The following KYAT3 variants were observed in gnomAD, a reference collection of about 807,000 sequenced individuals.
KYAT3 encodes kynurenine aminotransferase 3, also known as kynurenine--oxoglutarate transaminase 3.
In KYAT3, 50 loss-of-function variants were observed where a neutral mutation model predicts 59.0. The observed-to-expected ratio is 0.85, with a 90% CI of 0.68 to 1.07. The LOEUF is 1.07. Ranked by LOEUF, KYAT3 falls within the 50% of genes least tolerant of loss-of-function variation. KYAT3 has a pLI of 0.00. For synonymous variants in KYAT3, 148 were observed against 177.0 expected (o/e 0.84, Z 1.30); for missense variants, 497 against 533.3 (o/e 0.93, Z 0.67).
At chr1:88,935,345 GGAGA>G (rs1248654257), downstream of KYAT3, among the ~76,000 whole-genome samples, 2 of 148,572 alleles carry the variant, frequency 1.3e-5, no homozygotes, top group African/African-American at 5.0e-5. Context: ...AGGAGATGGA[GGAGA>G]GAGAGAGACA....
At chr1:88,980,171 A>G (rs1002306586) in intron 2 of KYAT3, 1 of 152,460 alleles carries the variant, frequency 6.6e-6, no homozygotes, top group Non-Finnish European at 1.5e-5. Context: ...ATGGACTGCA[A>G]AGGAACTTGA....
intron 2 of KYAT3, chr1:88,981,170 G>T (rs1157940690): frequency 6.6e-6 from 1 of 152,152 alleles, no homozygotes; most frequent in Non-Finnish European, 1.5e-5. Flanking sequence ...TTTCCAGTGT[G>T]TTTGCCATCT....
At chr1:88,929,220 TA>T in the KYAT3 span, among the ~76,000 whole-genome samples, 1 of 152,074 alleles carries the variant, frequency 6.6e-6, no homozygotes, top group South Asian at 2.1e-4. Context: ...AACCATGCAA[TA>T]GCCCCTGCAA....
In KYAT3 at chr1:88,967,325, T is replaced by C. The variant is rs184198167; in HGVS notation, c.303+1345A>G. ...TTCTTTATTTTTCAAATTACAAAAA[T>C]TGTTGATCAATAAGTAAAAGTTTTT... On this transcript the variant is annotated intron_variant, in intron 4 of 13. Coordinates refer to ENST00000260508, the MANE Select transcript of KYAT3 (RefSeq NM_001008661.3). Among the ~76,000 whole-genome samples the C allele has an allele frequency of 3.7e-4, 57 of 152,126 alleles. 1 individual carries two copies. The East Asian group carries it at 0.01, about 27-fold the overall frequency.
chr1:88,987,823 T>C (rs1303905295), intron 2 of KYAT3, among the ~76,000 whole-genome samples: 1 of 152,240 alleles, frequency 6.6e-6, no homozygotes, highest in Non-Finnish European at 1.5e-5. Flanking sequence ...CATTCGTATC[T>C]CTCTGATTGT....
chr1:88,925,972 G>T, the KYAT3 span, among the ~76,000 whole-genome samples: 1 of 152,136 alleles, frequency 6.6e-6, no homozygotes, highest in Non-Finnish European at 1.5e-5. Context: ...TGAGGCCACC[G>T]ACAACCAGTA....
intron 2 of KYAT3, among the ~76,000 whole-genome samples, chr1:88,986,398 G>A (rs1450331783): frequency 1.3e-5 from 2 of 151,782 alleles, no homozygotes; most frequent in African/African-American, 4.8e-5. Flanking sequence ...GGCCGAGGCA[G>A]GTGGATCACA....
intron 2 of KYAT3, among the ~76,000 whole-genome samples, chr1:88,970,039 A>C (rs1358061994): frequency 1.3e-5 from 2 of 152,178 alleles, no homozygotes; most frequent in African/African-American, 2.4e-5. Context: ...CTAGAAAGCT[A>C]ATCTGTTTTA....
At chr1:88,960,055 T>TC (rs111772838) in intron 8 of KYAT3, among the ~76,000 whole-genome samples, 144,171 of 144,178 alleles carry the variant, frequency 1, 72,082 homozygotes, top group East Asian at 1. Context: ...CACCTCAGCC[T>TC]CCAAGTAGCT....
chr1:88,934,584 T>C (rs545497212), downstream of KYAT3, among the ~76,000 whole-genome samples: 1 of 152,320 alleles, frequency 6.6e-6, no homozygotes, highest in East Asian at 1.9e-4. Context: ...AACTGTGCAA[T>C]GTACAGCCCA....
chr1:88,933,846 G>A (rs1472505937), downstream of KYAT3, among the ~76,000 whole-genome samples: 1 of 152,200 alleles, frequency 6.6e-6, no homozygotes. Flanking sequence ...TTGGGGTCCT[G>A]AGCTTCCTTC....
At chr1:88,959,466 GGGAGCCTGAGGCA>G (rs1676060080) in intron 8 of KYAT3, among the ~76,000 whole-genome samples, 1 of 150,562 alleles carries the variant, frequency 6.6e-6, no homozygotes, top group Non-Finnish European at 1.5e-5. Flanking sequence ...CCAGCTACTT[GGGAGCCTGAGGCA>G]GGAGAATTGT....
chr1:88,923,156 T>C, the KYAT3 span, among the ~76,000 whole-genome samples: 2 of 152,232 alleles, frequency 1.3e-5, no homozygotes, highest in Non-Finnish European at 2.9e-5. Flanking sequence ...CCATATGACT[T>C]AGGCTTTCTA....
At chr1:88,971,464 TG>T (rs1276196460) in intron 2 of KYAT3, among the ~76,000 whole-genome samples, 1 of 151,558 alleles carries the variant, frequency 6.6e-6, no homozygotes, top group African/African-American at 2.4e-5. Context: ...TGTTTCTCAA[TG>T]TTTTTTTTTA....
chr1:88,970,895 A>C (rs577030394), intron 2 of KYAT3, among the ~76,000 whole-genome samples: 1 of 152,340 alleles, frequency 6.6e-6, no homozygotes, highest in East Asian at 1.9e-4. Flanking sequence ...TATTCTAAAT[A>C]ATGGGACCAA....
rs765962566 is a variant in KYAT3, at chr1:88,943,091, T to C, written c.1216A>G (p.Lys406Glu). The change falls in exon 13 of 14, where the codon AAA becomes GAA. Residue 406 changes from lysine (K) to glutamate (E), a missense_variant and splice_region_variant. By Grantham distance (56) the Lys-to-Glu change is moderately conservative. Around this residue, in one of 2 missense-constraint regions of KYAT3, gnomAD observed 469 missense variants for 479.1 expected, o/e 0.98. Coordinates refer to ENST00000260508, the MANE Select transcript of KYAT3 (RefSeq NM_001008661.3). The stretch of plus-strand genomic sequence containing the variant: ...GCTGAAACGGGGATGGCTGATAGTT[T>C]CTGAAAAATAAATAGAAACATATAA... Reference protein sequence around the residue: ...KFVKWMTKHKKLSAIPVSAFC... With the variant: ...KFVKWMTKHKELSAIPVSAFC... 7.5e-6 allele frequency: 12 copies of C among 1,603,580 alleles called. No homozygotes were observed. Among genetic ancestry groups the C allele is most frequent in the African/African-American group, 1.3e-5 (1 of 74,442 alleles).
chr1:88,961,592 C>T (rs537680312), intron 6 of KYAT3, 86 bp from the exon 7 acceptor site: 1 of 1,198,006 alleles, frequency 8.3e-7, no homozygotes, highest in Non-Finnish European at 1.2e-6. Flanking sequence ...AGGAAAAAAA[C>T]ATCAAAGAAA....
chr1:88,962,070 GA>G lies in KYAT3; in HGVS notation c.528del (p.Leu178Ter). The G allele has an allele frequency of 6.2e-7, 1 of 1,613,136 alleles. No individual in the cohort carries two copies. The highest frequency in any genetic ancestry group is 8.5e-7 in the Non-Finnish European group (1 of 1,179,202). Reference protein sequence around the residue: ...VRMAGATPVFIPLRSKPVYGK... With the variant: ...VRMAGATPVFXPLRSKPVYGK... Reference sequence around the variant, plus strand: ...ACTGGCAAACTTACAGATCTCAGGGGAATAAAAACAGGTGTTGCTCCAGCCA... The same window carrying G: ...ACTGGCAAACTTACAGATCTCAGGGGATAAAAACAGGTGTTGCTCCAGCCA... On this transcript the variant is annotated frameshift_variant, in exon 6 of 14. Transcript: ENST00000260508. LOFTEE classifies it high-confidence loss of function.
In KYAT3 at chr1:88,965,739, A is replaced by G. The variant is rs184017987; in HGVS notation, c.304-761T>C. 3.2e-4 allele frequency among the ~76,000 whole-genome samples: 49 copies of G among 151,830 alleles called. No homozygotes were observed. The East Asian group carries it at 5.6e-3, about 17-fold the overall frequency. On this transcript the variant is annotated intron_variant, in intron 4 of 13. Coordinates refer to ENST00000260508, the MANE Select transcript of KYAT3 (RefSeq NM_001008661.3). ...CAATATTTCCTGTTGTTTTCTGTCC[A>G]GCATCTACCTCCTCATTTTGCTTTT... is the stretch of plus-strand genomic sequence containing the variant.
Sources: gnomAD v4.1 joint callset for allele counts (sites outside exome capture counted in the v4.1 genomes callset) on GRCh38, gnomAD v4.1.1 for gene constraint, gnomAD v4.1.1 regional missense constraint, MANE v1.5 for transcripts, NCBI Gene and HGNC (gene_info 2026-07-23, HGNC 2026-07-21) for gene names.